SV2C: variants seen among roughly 807,000 people sequenced by gnomAD.
SV2C encodes synaptic vesicle glycoprotein 2C, also known as solute carrier family 22 member B3.
A neutral mutation model predicts 79.7 loss-of-function variants in SV2C; 49 were observed. That is an observed-to-expected ratio of 0.61 (90% confidence interval 0.49 to 0.78). The LOEUF is 0.78. Ranked by LOEUF, SV2C falls within the 30% of genes least tolerant of loss-of-function variation. The probability of loss-of-function intolerance (pLI) is 0.00; values close to 1 mark genes in which losing one functional copy is unlikely to be tolerated. For synonymous variants in SV2C, 334 were observed against 333.2 expected, an observed-to-expected ratio of 1.00 and a Z score of -0.03; for missense variants, 833 against 912.9, an observed-to-expected ratio of 0.91 and a Z score of 1.13.
chr5:75,948,625 T>C, the SV2C span, among the ~76,000 whole-genome samples: 6 of 152,048 alleles, frequency 3.9e-5, no homozygotes, highest in African/African-American at 1.4e-4. Flanking sequence ...GCTTATTTGA[T>C]AAGGCGACGT....
the SV2C span, among the ~76,000 whole-genome samples, chr5:75,889,838 C>T: frequency 6.6e-6 from 1 of 152,006 alleles, no homozygotes; most frequent in East Asian, 1.9e-4. Context: ...GAAGCTTGTC[C>T]AAGGTGCCCA....
intron 2 of SV2C, among the ~76,000 whole-genome samples, chr5:76,180,061 G>T (rs1743671949): frequency 6.6e-6 from 1 of 152,164 alleles, no homozygotes; most frequent in South Asian, 2.1e-4. Context: ...TTTCAGTCCT[G>T]TTTTCCTGCC....
chr5:75,971,088 A>G, the SV2C span, among the ~76,000 whole-genome samples: 2 of 152,132 alleles, frequency 1.3e-5, no homozygotes, highest in South Asian at 4.1e-4. Context: ...TGATTATCTC[A>G]ACAGATGCAG....
intron 6 of SV2C, among the ~76,000 whole-genome samples, chr5:76,289,121 A>C (rs1747457902): frequency 1.3e-5 from 2 of 152,176 alleles, no homozygotes; most frequent in South Asian, 4.1e-4. Flanking sequence ...TCCTAGGCTC[A>C]AGTGATCCTT....
chr5:76,174,750 A>G (rs1313881753), intron 2 of SV2C, among the ~76,000 whole-genome samples: 1 of 152,248 alleles, frequency 6.6e-6, no homozygotes, highest in Non-Finnish European at 1.5e-5. Flanking sequence ...ACAAACCTGC[A>G]CATTCTTTGT....
intron 4 of SV2C, among the ~76,000 whole-genome samples, chr5:76,223,701 T>C (rs1745159936): frequency 6.6e-6 from 1 of 151,802 alleles, no homozygotes; most frequent in South Asian, 2.1e-4. Context: ...CCCCAACCCC[T>C]TATTACTCAG....
the SV2C span, among the ~76,000 whole-genome samples, chr5:75,877,940 G>GAA: frequency 0.038 from 4,568 of 121,272 alleles, 169 homozygotes; most frequent in African/African-American, 0.1. Context: ...GGGAGTGATA[G>GAA]AAAAAAAAAA....
At chr5:76,084,100 T>A (rs1475173190) in intron 1 of SV2C, 2 of 152,254 alleles carry the variant, frequency 1.3e-5, no homozygotes, top group African/African-American at 4.8e-5. Context: ...CCGAAGCGCC[T>A]GTCTGGCGTC....
At chr5:76,335,234 C>T (rs1013305908), downstream of SV2C, among the ~76,000 whole-genome samples, 2 of 152,100 alleles carry the variant, frequency 1.3e-5, no homozygotes, top group South Asian at 2.1e-4. Context: ...AACCAGCTCT[C>T]ACTTCTTCCA....
the SV2C span, among the ~76,000 whole-genome samples, chr5:75,864,195 GC>G: frequency 1.3e-5 from 2 of 152,114 alleles, no homozygotes; most frequent in African/African-American, 4.8e-5. Context: ...GAAAAACTGA[GC>G]CTGATTTTCT....
chr5:76,178,044 G>GC (rs1281913993), intron 2 of SV2C, among the ~76,000 whole-genome samples: 1 of 152,128 alleles, frequency 6.6e-6, no homozygotes, highest in East Asian at 1.9e-4. Context: ...TGCATTTTGG[G>GC]CCCAGTGGGG....
chr5:76,149,406 C>T (rs1475424521), intron 2 of SV2C, among the ~76,000 whole-genome samples: 1 of 152,146 alleles, frequency 6.6e-6, no homozygotes, highest in Non-Finnish European at 1.5e-5. Context: ...GGAGTGGGGC[C>T]TCAGGTTCTG....
the SV2C span, among the ~76,000 whole-genome samples, chr5:75,926,802 C>T: frequency 1.3e-5 from 2 of 152,146 alleles, no homozygotes; most frequent in Non-Finnish European, 2.9e-5. Flanking sequence ...TAGGGTACAA[C>T]ATTTTAATAT....
At chr5:76,318,350 G>A (rs949941473) in intron 12 of SV2C, among the ~76,000 whole-genome samples, 4 of 151,890 alleles carry the variant, frequency 2.6e-5, no homozygotes, top group South Asian at 2.1e-4. Flanking sequence ...CCTGGGAGGC[G>A]GAGGTTGCAG....
At chr5:76,336,454 G>A (rs913315561), downstream of SV2C, among the ~76,000 whole-genome samples, 4 of 151,234 alleles carry the variant, frequency 2.6e-5, no homozygotes, top group East Asian at 2.0e-4. Flanking sequence ...GACGATGGGC[G>A]GCCAGGCAGA....
At chr5:75,874,829 A>C in the SV2C span, among the ~76,000 whole-genome samples, 1 of 152,136 alleles carries the variant, frequency 6.6e-6, no homozygotes, top group East Asian at 1.9e-4. Context: ...AGAATAAAAC[A>C]CCTAGGAATA....
At chr5:75,848,749 G>A in the SV2C span, among the ~76,000 whole-genome samples, 1 of 152,126 alleles carries the variant, frequency 6.6e-6, no homozygotes, top group Non-Finnish European at 1.5e-5. Flanking sequence ...TGAGTGTATT[G>A]GAACATATAT....
chr5:75,957,486 C>T, the SV2C span, among the ~76,000 whole-genome samples: 17,235 of 152,038 alleles, frequency 0.11, 2,811 homozygotes, highest in African/African-American at 0.36. Context: ...TGTCTTATCT[C>T]CAATCTACAA....
At chr5:75,892,080 T>G in the SV2C span, among the ~76,000 whole-genome samples, 1 of 152,068 alleles carries the variant, frequency 6.6e-6, no homozygotes, top group Non-Finnish European at 1.5e-5. Flanking sequence ...TAGCATTTGG[T>G]AATCTCTCAT....
Sources: gnomAD v4.1 joint callset for allele counts (sites outside exome capture counted in the v4.1 genomes callset) on GRCh38, gnomAD v4.1.1 for gene constraint, MANE v1.5 for transcripts, NCBI Gene and HGNC (gene_info 2026-07-23, HGNC 2026-07-21) for gene names.